Variants in GHR observed in about 807,000 individuals in gnomAD.
GHR encodes growth hormone receptor, also known as GH receptor.
GHR carries 35 observed loss-of-function variants against 67.1 expected under a neutral mutation model. The ratio of observed to expected loss-of-function variants is 0.52; its 90% confidence interval spans 0.40 to 0.69. The LOEUF is 0.69. Among genes scored for constraint, GHR ranks in the 30% least tolerant of loss-of-function variants. The pLI is 0.00. For synonymous variants in GHR, 272 were observed against 269.1 expected, an observed-to-expected ratio of 1.01 and a Z score of -0.10; for missense variants, 792 against 764.6, an observed-to-expected ratio of 1.04 and a Z score of -0.42.
At chr5:42,598,152 C>T (rs1392299254) in intron 2 of GHR, among the ~76,000 whole-genome samples, 1 of 151,958 alleles carries the variant, frequency 6.6e-6, no homozygotes, top group African/African-American at 2.4e-5. Flanking sequence ...GCAAGGTAGA[C>T]AAAGTGTAGG....
At chr5:42,685,467 G>A (rs941070191) in intron 3 of GHR, among the ~76,000 whole-genome samples, 1 of 152,208 alleles carries the variant, frequency 6.6e-6, no homozygotes, top group African/African-American at 2.4e-5. Context: ...CCAGTGATGG[G>A]ATTGCTGGGT....
intron 1 of GHR, among the ~76,000 whole-genome samples, chr5:42,535,720 G>A (rs948529561): frequency 6.6e-5 from 10 of 151,804 alleles, no homozygotes; most frequent in African/African-American, 2.4e-4. Flanking sequence ...TGAAGGAGAA[G>A]GTTTTGAATT....
chr5:42,580,502 T>C (rs1358414764), intron 2 of GHR, among the ~76,000 whole-genome samples: 10 of 152,216 alleles, frequency 6.6e-5, no homozygotes, highest in African/African-American at 2.4e-4. Flanking sequence ...TAATATTTTA[T>C]ATGAGTCTCC....
At chr5:42,528,258 A>G (rs1310343963) in intron 1 of GHR, among the ~76,000 whole-genome samples, 2 of 152,170 alleles carry the variant, frequency 1.3e-5, no homozygotes, top group African/African-American at 4.8e-5. Flanking sequence ...ACCTTATGGA[A>G]AGGATTTACC....
intron 1 of GHR, among the ~76,000 whole-genome samples, chr5:42,486,544 G>T (rs1379324155): frequency 1.3e-5 from 2 of 152,152 alleles, no homozygotes; most frequent in Non-Finnish European, 1.5e-5. Context: ...CTTGTAGAGA[G>T]CAAAATTAAG....
chr5:42,507,211 G>T (rs1431680031), intron 1 of GHR, among the ~76,000 whole-genome samples: 1 of 152,132 alleles, frequency 6.6e-6, no homozygotes, highest in Non-Finnish European at 1.5e-5. Context: ...ACAGTTTCAG[G>T]GTCATAGTTA....
At chr5:42,608,360 C>A (rs944865201) in intron 2 of GHR, among the ~76,000 whole-genome samples, 1 of 151,976 alleles carries the variant, frequency 6.6e-6, no homozygotes, top group African/African-American at 2.4e-5. Context: ...AATCGCTCAG[C>A]AGTGTTTGTT....
chr5:42,591,969 TCCAGGCAGCCAGAGA>T (rs1751801331), intron 2 of GHR, among the ~76,000 whole-genome samples: 1 of 152,112 alleles, frequency 6.6e-6, no homozygotes, highest in African/African-American at 2.4e-5. Context: ...CGAGTCTATT[TCCAGGCAGCCAGAGA>T]CCAGGCCTGA....
intron 3 of GHR, among the ~76,000 whole-genome samples, chr5:42,640,619 A>G (rs1197196192): frequency 6.6e-6 from 1 of 152,146 alleles, no homozygotes; most frequent in East Asian, 1.9e-4. Flanking sequence ...TCCTTCATCT[A>G]GGTAGCGTAT....
At chr5:42,572,511 G>A (rs1270231233) in intron 2 of GHR, among the ~76,000 whole-genome samples, 1 of 152,204 alleles carries the variant, frequency 6.6e-6, no homozygotes, top group Non-Finnish European at 1.5e-5. Context: ...GAAATCTGAT[G>A]CAATTGACCC....
At chr5:42,596,071 T>C (rs2112613272) in intron 2 of GHR, among the ~76,000 whole-genome samples, 1 of 152,308 alleles carries the variant, frequency 6.6e-6, no homozygotes, top group East Asian at 1.9e-4. Context: ...CATATAGAAA[T>C]AGGCTTATCC....
chr5:42,619,194 GGAATCTGACATGGT>G (rs1373143926), intron 2 of GHR, among the ~76,000 whole-genome samples: 3 of 151,992 alleles, frequency 2.0e-5, no homozygotes, highest in Non-Finnish European at 4.4e-5. Context: ...TCTATTTCAT[GGAATCTGACATGGT>G]GAACAGTTCA....
chr5:42,716,573 CTTAATT>C (rs1174744192), intron 8 of GHR, among the ~76,000 whole-genome samples: 2 of 152,154 alleles, frequency 1.3e-5, no homozygotes, highest in African/African-American at 4.8e-5. Context: ...GCCCACAGAC[CTTAATT>C]TAGTGACCCA....
intron 2 of GHR, among the ~76,000 whole-genome samples, chr5:42,592,859 A>G (rs996330937): frequency 3.3e-5 from 5 of 152,224 alleles, no homozygotes; most frequent in Non-Finnish European, 7.3e-5. Flanking sequence ...CATTCCTACA[A>G]GCAATATAAA....
At chr5:42,685,704 G>A (rs1320075132) in intron 3 of GHR, among the ~76,000 whole-genome samples, 2 of 152,160 alleles carry the variant, frequency 1.3e-5, no homozygotes, top group Non-Finnish European at 2.9e-5. Context: ...GTGATGACGA[G>A]CATTTTTTCA....
chr5:42,542,533 A>G (rs1023090328), intron 1 of GHR, among the ~76,000 whole-genome samples: 1 of 152,212 alleles, frequency 6.6e-6, no homozygotes. Context: ...AGGAGAAATT[A>G]TCCTTTTTCT....
chr5:42,625,654 G>C (rs1373578862), intron 2 of GHR, among the ~76,000 whole-genome samples: 1 of 152,108 alleles, frequency 6.6e-6, no homozygotes, highest in Non-Finnish European at 1.5e-5. Context: ...CAAATGGGGG[G>C]CTTCCAGGCT....
At chr5:42,481,844 C>T (rs149331698) in intron 1 of GHR, among the ~76,000 whole-genome samples, 14 of 152,124 alleles carry the variant, frequency 9.2e-5, no homozygotes, top group Admixed American at 3.9e-4. Context: ...TCCTGTAGCT[C>T]GGATTAGTTT....
intron 1 of GHR, among the ~76,000 whole-genome samples, chr5:42,540,047 T>A (rs1281687808): frequency 6.6e-6 from 1 of 152,186 alleles, no homozygotes; most frequent in African/African-American, 2.4e-5. Context: ...TAATGGTTTT[T>A]CTGCACATTC....
Sources: gnomAD v4.1 joint callset for allele counts (sites outside exome capture counted in the v4.1 genomes callset) on GRCh38, gnomAD v4.1.1 for gene constraint, MANE v1.5 for transcripts, NCBI Gene and HGNC (gene_info 2026-07-23, HGNC 2026-07-21) for gene names.